C12orf50: variants seen among roughly 807,000 people sequenced by gnomAD.
The protein encoded by C12orf50 is zinc finger CCCH-type containing 11D, also known as uncharacterized protein C12orf50.
A neutral mutation model predicts 61.6 loss-of-function variants in C12orf50; 35 were observed. The ratio of observed to expected loss-of-function variants is 0.57; its 90% confidence interval spans 0.43 to 0.75. The LOEUF is 0.75. Among genes scored for constraint, C12orf50 ranks in the 30% least tolerant of loss-of-function variants. C12orf50 has a pLI of 0.00. For synonymous variants in C12orf50, 178 were observed against 161.5 expected (o/e 1.10, Z -0.77); for missense variants, 475 against 488.5 (o/e 0.97, Z 0.26).
chr12:88,025,726 G>A (rs369161306), intron 3 of C12orf50, among the ~76,000 whole-genome samples: 4 of 152,134 alleles, frequency 2.6e-5, no homozygotes, highest in Non-Finnish European at 4.4e-5. Context: ...GTGACAGAGC[G>A]AGACTCCGTC....
intron 3 of C12orf50, among the ~76,000 whole-genome samples, chr12:88,024,103 C>A (rs2032616871): frequency 6.6e-6 from 1 of 152,064 alleles, no homozygotes; most frequent in African/African-American, 2.4e-5. Flanking sequence ...ATAAGAATGG[C>A]TATTTATTAA....
chr12:88,003,083 AGGG>A (rs942801749), intron 3 of C12orf50, among the ~76,000 whole-genome samples: 1 of 151,818 alleles, frequency 6.6e-6, no homozygotes, highest in Non-Finnish European at 1.5e-5. Flanking sequence ...AGGAGCTAAG[AGGG>A]GAAAAAGATC....
chr12:88,010,633 A>C (rs1325942825), intron 3 of C12orf50, among the ~76,000 whole-genome samples: 1 of 151,662 alleles, frequency 6.6e-6, no homozygotes, highest in Non-Finnish European at 1.5e-5. Flanking sequence ...ATAATGAAAA[A>C]ATTTAATCAA....
Position 87,983,124 on chromosome 12 carries a change from T to C in C12orf50, c.1198A>G (p.Lys400Glu). Residue 400 changes from lysine to glutamate, a missense_variant, in exon 12 of 13, where the codon AAA becomes GAA. Lys to Glu is a moderately conservative substitution (Grantham distance 56, BLOSUM62 1). Transcript: ENST00000298699. Reference protein sequence around the residue: ...KRIPFSKTYSKSEKIYPEPRR... With the variant: ...KRIPFSKTYSESEKIYPEPRR... ...TTACCTGGATATATCTTTTCACTTTTTGAATATGTTTTTGAAAAAGGAATT... is the reference window on the plus strand; with the variant it reads ...TTACCTGGATATATCTTTTCACTTTCTGAATATGTTTTTGAAAAAGGAATT... 6.3e-7 allele frequency: 1 copy of C among 1,592,996 alleles called. No homozygotes were observed. The highest frequency in any genetic ancestry group is 8.6e-7 in the Non-Finnish European group (1 of 1,163,004).
chr12:88,011,280 CA>C (rs1487427096), intron 3 of C12orf50, among the ~76,000 whole-genome samples: 1 of 152,006 alleles, frequency 6.6e-6, no homozygotes, highest in Non-Finnish European at 1.5e-5. Context: ...CCCTGGGACC[CA>C]AAGATTAGCT....
intron 3 of C12orf50, among the ~76,000 whole-genome samples, chr12:88,025,331 G>T (rs1292726382): frequency 6.6e-6 from 1 of 152,116 alleles, no homozygotes; most frequent in Non-Finnish European, 1.5e-5. Context: ...GGTGGATGTG[G>T]TGACAGAAAT....
chr12:88,020,615 C>G (rs1449732721), intron 3 of C12orf50, among the ~76,000 whole-genome samples: 1 of 152,110 alleles, frequency 6.6e-6, no homozygotes. Context: ...CCACTGACAG[C>G]ATTACACAGA....
At chr12:88,024,062 C>G (rs1004807679) in intron 3 of C12orf50, among the ~76,000 whole-genome samples, 1 of 152,054 alleles carries the variant, frequency 6.6e-6, no homozygotes, top group African/African-American at 2.4e-5. Context: ...AACCACAAAT[C>G]AAAACCATAA....
intron 11 of C12orf50, 123 bp downstream of exon 11, chr12:87,985,727 G>A (rs1024767262): frequency 1.1e-6 from 1 of 894,766 alleles, no homozygotes; most frequent in Admixed American, 2.1e-5. Flanking sequence ...AGTTTCTATG[G>A]TGGTGATGGC....
At chr12:87,987,314 C>T (rs1464418514) in intron 9 of C12orf50, among the ~76,000 whole-genome samples, 1 of 152,110 alleles carries the variant, frequency 6.6e-6, no homozygotes, top group Non-Finnish European at 1.5e-5. Context: ...TAACAAGTGC[C>T]ACTGAACTGG....
At chr12:88,011,668 G>C (rs2032114829) in intron 3 of C12orf50, among the ~76,000 whole-genome samples, 1 of 152,144 alleles carries the variant, frequency 6.6e-6, no homozygotes, top group Non-Finnish European at 1.5e-5. Context: ...ATCTGAGCTA[G>C]AGCTACTATT....
Position 87,985,949 on chromosome 12 carries a change from T to C in C12orf50, c.1027A>G (p.Arg343Gly), listed in dbSNP as rs1331178309. The change falls in exon 11 of 13, where the codon AGG becomes GGG. Residue 343 changes from arginine to glycine, a missense_variant. Physicochemically the swap from Arg to Gly is moderately radical, Grantham distance 125. Coordinates refer to ENST00000298699, the MANE Select transcript of C12orf50 (RefSeq NM_152589.3). ...GAAGGTGCATTCAACGCGACAGTCC[T>C]GACAGCATCTCTTTGAACGTGGATA... ...SYIHVQRDAV[R>G]TVALNAPSRS... 6.2e-7 allele frequency: 1 copy of C among 1,613,922 alleles called. No homozygotes were observed. The highest frequency in any genetic ancestry group is 1.1e-5 in the South Asian group (1 of 91,074).
At chr12:88,007,249 T>C (rs1307062185) in intron 3 of C12orf50, among the ~76,000 whole-genome samples, 1 of 152,174 alleles carries the variant, frequency 6.6e-6, no homozygotes, top group Non-Finnish European at 1.5e-5. Flanking sequence ...TTTTATAATA[T>C]TGTGAAATCT....
chr12:88,012,032 C>T (rs2032129605), intron 3 of C12orf50, among the ~76,000 whole-genome samples: 1 of 152,154 alleles, frequency 6.6e-6, no homozygotes, highest in Non-Finnish European at 1.5e-5. Flanking sequence ...CAGCAAATGA[C>T]AAATGTGAAC....
rs759969576 is a variant in C12orf50, at chr12:87,987,936, G to A, written c.731C>T (p.Ser244Phe). 4.3e-6 allele frequency: 7 copies of A among 1,609,376 alleles called. No individual in the cohort carries two copies. The highest frequency in any genetic ancestry group is 5.9e-6 in the Non-Finnish European group (7 of 1,176,560). ...DNKDSPHPKH[S>F]LTTRLVPTTH... ...TGTAGGTACTAGTCGGGTAGTTAGG[G>A]AATGCTTTGGATGAGGACTGTCCTT... Residue 244 changes from serine (S) to phenylalanine (F), a missense_variant, in exon 9 of 13, where the codon TCC becomes TTC. Ser to Phe is a radical substitution (Grantham distance 155). Transcript: ENST00000298699.
At chr12:88,029,021 T>C in intron 1 of C12orf50, 1 of 1,087,838 alleles carries the variant, frequency 9.2e-7, no homozygotes, top group South Asian at 1.7e-5. Flanking sequence ...TTCATTCTAC[T>C]AAAAAGATTA....
intron 11 of C12orf50, 169 bp downstream of exon 11, chr12:87,985,681 A>G (rs1380812547): frequency 1.5e-6 from 1 of 665,458 alleles, no homozygotes; most frequent in Non-Finnish European, 2.6e-6. Flanking sequence ...CCTTTAAATC[A>G]TGTGCAGGAC....
intron 8 of C12orf50, among the ~76,000 whole-genome samples, chr12:87,988,809 AG>A (rs1363142101): frequency 6.6e-6 from 1 of 152,154 alleles, no homozygotes; most frequent in African/African-American, 2.4e-5. Context: ...GTGGATTTTA[AG>A]TACAGTTAAG....
intron 3 of C12orf50, among the ~76,000 whole-genome samples, chr12:88,023,775 CA>C (rs911806987): frequency 2.0e-5 from 3 of 151,002 alleles, no homozygotes; most frequent in South Asian, 2.1e-4. Flanking sequence ...AAGCATACAA[CA>C]AAAAAGTTAA....
Sources: gnomAD v4.1 joint callset for allele counts (sites outside exome capture counted in the v4.1 genomes callset) on GRCh38, gnomAD v4.1.1 for gene constraint, MANE v1.5 for transcripts, NCBI Gene and HGNC (gene_info 2026-07-23, HGNC 2026-07-21) for gene names.